Variants in EPHA3 observed in about 807,000 individuals in gnomAD.
EPHA3 encodes the protein EPH receptor A3.
Under a neutral mutation model 107.1 loss-of-function variants are expected in EPHA3, and 42 were observed. The observed-to-expected ratio is 0.39, with a 90% CI of 0.31 to 0.51. The LOEUF (loss-of-function observed/expected upper bound fraction) is 0.51. Ranked by LOEUF, EPHA3 falls within the 20% of genes least tolerant of loss-of-function variation. The pLI is 0.78. For synonymous variants in EPHA3, 461 were observed against 424.8 expected (o/e 1.09, Z -1.05); for missense variants, 1,183 against 1,211.2 (o/e 0.98, Z 0.35).
chr3:89,227,711 T>C (rs2107218735), intron 3 of EPHA3, among the ~76,000 whole-genome samples: 1 of 152,086 alleles, frequency 6.6e-6, no homozygotes, highest in East Asian at 1.9e-4. Flanking sequence ...AGTATTATTA[T>C]TTTTATTAAT....
chr3:89,423,816 T>C (rs1313447098), intron 11 of EPHA3, among the ~76,000 whole-genome samples: 1 of 151,500 alleles, frequency 6.6e-6, no homozygotes, highest in African/African-American at 2.4e-5. Context: ...TTTTCTCATT[T>C]ATATGTATAG....
intron 2 of EPHA3, among the ~76,000 whole-genome samples, chr3:89,185,545 T>C (rs543004109): frequency 1.3e-5 from 2 of 152,276 alleles, no homozygotes; most frequent in Non-Finnish European, 2.9e-5. Context: ...GGTCCTCCTC[T>C]ACGTTTTTCA....
At chr3:89,273,744 G>A (rs572860303) in intron 3 of EPHA3, among the ~76,000 whole-genome samples, 15 of 151,738 alleles carry the variant, frequency 9.9e-5, no homozygotes, top group Non-Finnish European at 1.5e-4. Context: ...CTGTTTTAAG[G>A]CACCTTATTT....
chr3:89,330,866 T>C (rs1400818619), intron 3 of EPHA3, among the ~76,000 whole-genome samples: 1 of 152,290 alleles, frequency 6.6e-6, no homozygotes, highest in East Asian at 1.9e-4. Flanking sequence ...TTACTTAATC[T>C]GGAAAGTGTG....
intron 5 of EPHA3, among the ~76,000 whole-genome samples, chr3:89,350,991 C>T (rs1447879817): frequency 7.9e-5 from 12 of 151,402 alleles, no homozygotes; most frequent in South Asian, 6.2e-4. Flanking sequence ...TCTCCAGCTG[C>T]GTGTTGGGAG....
intron 3 of EPHA3, among the ~76,000 whole-genome samples, chr3:89,332,877 A>C (rs560764423): frequency 4.0e-4 from 61 of 152,054 alleles, no homozygotes; most frequent in Non-Finnish European, 8.4e-4. Flanking sequence ...ATTCAAATTG[A>C]AATGAGCCTT....
At position 89,341,871 on chromosome 3, in the gene EPHA3, T is replaced by C; in HGVS notation, c.1087T>C (p.Cys363Arg). The C allele has an allele frequency of 2.5e-6, 4 of 1,613,820 alleles. No homozygotes were observed. Among genetic ancestry groups the C allele is most frequent in the Non-Finnish European group, 3.4e-6 (4 of 1,179,978 alleles). ...GAAAGATGTTACCTTCAACATCATA[T>C]GTAAAAAATGTGGGTGGAATATAAA... ...GRKDVTFNIICKKCGWNIKQC... is the reference protein window; with the variant it reads ...GRKDVTFNIIRKKCGWNIKQC... The change falls in exon 5 of 17, where the codon TGT becomes CGT. Residue 363 changes from cysteine (C) to arginine (R), a missense_variant. Transcript: ENST00000336596.
At chr3:89,307,658 G>A (rs1405189639) in intron 3 of EPHA3, among the ~76,000 whole-genome samples, 1 of 151,964 alleles carries the variant, frequency 6.6e-6, no homozygotes, top group South Asian at 2.1e-4. Context: ...AACATCCCAG[G>A]CTTCTACCTC....
At chr3:89,351,110 G>A (rs1242713016) in intron 5 of EPHA3, among the ~76,000 whole-genome samples, 2 of 151,242 alleles carry the variant, frequency 1.3e-5, no homozygotes, top group Non-Finnish European at 3.0e-5. Context: ...GCCTACAGTG[G>A]CAGGCAGGAC....
chr3:89,428,033 A>C (rs924761230), intron 11 of EPHA3, among the ~76,000 whole-genome samples: 13 of 151,980 alleles, frequency 8.6e-5, no homozygotes, highest in Admixed American at 3.3e-4. Context: ...TTAAGTCTTA[A>C]GGTCATCATT....
intron 3 of EPHA3, among the ~76,000 whole-genome samples, chr3:89,280,793 C>T (rs1025919026): frequency 2.6e-5 from 4 of 152,006 alleles, no homozygotes; most frequent in African/African-American, 9.7e-5. Context: ...ATCTTGCTAT[C>T]TATGAGTAGG....
intron 7 of EPHA3, chr3:89,399,726 G>GT (rs368368368): frequency 0.15 from 111,227 of 729,352 alleles, 1,175 homozygotes; most frequent in African/African-American, 0.27. Context: ...AAATGCTTCT[G>GT]TTTTTTTTTT....
intron 2 of EPHA3, among the ~76,000 whole-genome samples, chr3:89,208,336 C>T (rs1706159670): frequency 7.2e-6 from 1 of 139,574 alleles, no homozygotes; most frequent in Admixed American, 7.6e-5. Flanking sequence ...TGCCATTGCA[C>T]TCTAGCCTGG....
At chr3:89,307,973 C>A (rs557285843) in intron 3 of EPHA3, among the ~76,000 whole-genome samples, 1 of 152,254 alleles carries the variant, frequency 6.6e-6, no homozygotes, top group East Asian at 1.9e-4. Flanking sequence ...TTTACGATAG[C>A]ATCTAGAAAT....
chr3:89,421,909 C>T (rs1316834054), intron 11 of EPHA3, among the ~76,000 whole-genome samples: 3 of 151,126 alleles, frequency 2.0e-5, no homozygotes, highest in Non-Finnish European at 4.4e-5. Flanking sequence ...ACATCTTACT[C>T]AAACCGACTC....
chr3:89,331,311 A>T (rs1707282766), intron 3 of EPHA3, among the ~76,000 whole-genome samples: 1 of 152,172 alleles, frequency 6.6e-6, no homozygotes, highest in Non-Finnish European at 1.5e-5. Context: ...GATGAATAAG[A>T]AAGTACAAAC....
chr3:89,256,173 C>A (rs1464099452), intron 3 of EPHA3, among the ~76,000 whole-genome samples: 1 of 151,818 alleles, frequency 6.6e-6, no homozygotes, highest in African/African-American at 2.4e-5. Flanking sequence ...ATCACTTGAA[C>A]CCAGGAGGCA....
chr3:89,339,984 A>T (rs576063963), intron 3 of EPHA3, among the ~76,000 whole-genome samples: 1 of 152,298 alleles, frequency 6.6e-6, no homozygotes, highest in East Asian at 1.9e-4. Flanking sequence ...TTTCACTATG[A>T]TTTTAGTTCT....
chr3:89,162,022 A>T (rs1271099882), intron 2 of EPHA3, among the ~76,000 whole-genome samples: 1 of 150,928 alleles, frequency 6.6e-6, no homozygotes, highest in Non-Finnish European at 1.5e-5. Flanking sequence ...ATAATAATAA[A>T]TAATAAACCT....
Sources: gnomAD v4.1 joint callset for allele counts (sites outside exome capture counted in the v4.1 genomes callset) on GRCh38, gnomAD v4.1.1 for gene constraint, MANE v1.5 for transcripts, NCBI Gene and HGNC (gene_info 2026-07-23, HGNC 2026-07-21) for gene names.